NFASC: variants seen among roughly 807,000 people sequenced by gnomAD.
The protein encoded by NFASC is neurofascin.
In NFASC, 43 loss-of-function variants were observed where a neutral mutation model predicts 147.5. The observed-to-expected ratio is 0.29, with a 90% CI of 0.23 to 0.38. NFASC has a LOEUF of 0.38. Ranked by LOEUF, NFASC falls within the 10% of genes least tolerant of loss-of-function variation. The pLI, the probability that NFASC is intolerant of heterozygous loss-of-function variation, is 1.00. For missense variants in NFASC, 1,320 were observed against 1,689.0 expected (o/e 0.78, Z 3.83); for synonymous variants, 622 against 665.5 (o/e 0.93, Z 1.01).
rs2095515773 is a variant in NFASC at position 204,981,891 on chromosome 1, G to T, written c.2341G>T (p.Val781Leu). 1 of 1,608,906 alleles carries T rather than the reference G, an allele frequency of 6.2e-7. No homozygotes were observed. Among genetic ancestry groups the T allele is most frequent in the East Asian group, 2.3e-5 (1 of 44,418 alleles). The change falls in exon 21 of 30, where the codon GTG (valine) becomes TTG (leucine). Residue 781 changes from valine to leucine, a missense_variant. Val to Leu is a conservative substitution (Grantham distance 32). Coordinates refer to ENST00000339876, the MANE Select transcript of NFASC (RefSeq NM_001005388.3). ...ETREAWNNVT[V>L]WGSRYVVGQT... Reference sequence around the variant, plus strand: ...TCGAGAGGCCTGGAACAACGTCACAGTGTGGGGCTCTCGCTACGTGGTGGG... The same window carrying T: ...TCGAGAGGCCTGGAACAACGTCACATTGTGGGGCTCTCGCTACGTGGTGGG...
chr1:204,896,023 A>G (rs2083316750), intron 1 of NFASC, among the ~76,000 whole-genome samples: 1 of 152,188 alleles, frequency 6.6e-6, no homozygotes, highest in Non-Finnish European at 1.5e-5. Context: ...CCTTGAGATT[A>G]TTTTGTTTAG....
chr1:204,997,280 A>C lies in NFASC; in HGVS notation c.2893A>C (p.Thr965Pro), dbSNP rs745864052. 2 of 1,611,770 alleles carry C rather than the reference A, an allele frequency of 1.2e-6. No homozygotes were observed. Among genetic ancestry groups the C allele is most frequent in the Non-Finnish European group, 8.5e-7 (1 of 1,178,820 alleles). ...TEATTVPIIP[T>P]VAPTTIATTT... Reference sequence around the variant, plus strand: ...AGCCACAACAGTCCCCATCATCCCAACTGTCGCACCTACCACCATCGCCAC... The same window carrying C: ...AGCCACAACAGTCCCCATCATCCCACCTGTCGCACCTACCACCATCGCCAC... Residue 965 changes from threonine to proline, a missense_variant, in exon 25 of 30, where the codon ACT (threonine) becomes CCT (proline). Thr to Pro is a conservative substitution (Grantham distance 38). Around this residue, in one of 3 missense-constraint regions of NFASC, gnomAD observed 172 missense variants for 165.8 expected, o/e 1.04. Coordinates refer to ENST00000339876, the MANE Select transcript of NFASC (RefSeq NM_001005388.3).
Position 205,019,644 on chromosome 1 carries a change from T to A in NFASC, c.*3105T>A, listed in dbSNP as rs2096386747. ...ACAGTGGCCATTGAGCTGGGAGCAT[T>A]CTTCCCTCTACCGCTTAAGCCACTG... On this transcript the variant is annotated 3_prime_UTR_variant, in exon 30 of 30. Transcript: ENST00000339876. 1 of 152,206 alleles carries A rather than the reference T, an allele frequency of 6.6e-6. No homozygotes were observed. The highest frequency in any genetic ancestry group is 2.4e-5 in the African/African-American group (1 of 41,450). 9.4% of individuals were successfully genotyped at this position (152,206 alleles called of 1,614,324 possible). A position where few individuals can be genotyped will look rare whatever the true frequency, so the allele number is the denominator to read the frequency against.
At chr1:204,994,112 G>A (rs1465185541) in intron 24 of NFASC, among the ~76,000 whole-genome samples, 1 of 152,188 alleles carries the variant, frequency 6.6e-6, no homozygotes, top group Non-Finnish European at 1.5e-5. Context: ...AGCCAGCTGA[G>A]GTTGTATCCT....
At chr1:205,002,448 ACCT>A in intron 26 of NFASC, 145 bp from the exon 27 acceptor site, 2 of 512,260 alleles carry the variant, frequency 3.9e-6, no homozygotes, top group Non-Finnish European at 6.4e-6. Flanking sequence ...CTGCCTGGAA[ACCT>A]CCTGGTCTGT....
In NFASC at chr1:204,997,266, T is replaced by C. The variant is rs2095864651; in HGVS notation, c.2879T>C (p.Val960Ala). 1 of 1,612,280 alleles carries C rather than the reference T, an allele frequency of 6.2e-7. No homozygotes were observed. The highest frequency in any genetic ancestry group is 1.7e-5 in the Admixed American group (1 of 59,866). The change falls in exon 25 of 30, where the codon GTC becomes GCC. Residue 960 changes from valine to alanine, a missense_variant. By Grantham distance (64) the Val-to-Ala change is moderately conservative. Coordinates refer to ENST00000339876, the MANE Select transcript of NFASC (RefSeq NM_001005388.3). ...AIAATTEATT[V>A]PIIPTVAPTT... ...GCTGCCACCACCGAAGCCACAACAG[T>C]CCCCATCATCCCAACTGTCGCACCT...
At chr1:204,871,399 G>C (rs1233933794) in intron 1 of NFASC, among the ~76,000 whole-genome samples, 1 of 152,188 alleles carries the variant, frequency 6.6e-6, no homozygotes, top group African/African-American at 2.4e-5. Context: ...GGGCAGGGGA[G>C]CTTTGATTTG....
At chr1:204,879,902 G>A (rs1280444612) in intron 1 of NFASC, among the ~76,000 whole-genome samples, 1 of 152,228 alleles carries the variant, frequency 6.6e-6, no homozygotes. Context: ...ACCTTGCTCA[G>A]TGATCAGATG....
chr1:204,950,537 T>C lies in NFASC; in HGVS notation c.92-20T>C. ...TTCTTCTTTTCTCCCTCTCCAATGC[T>C]AACCCGTCGGAACTAACAGCAAGCA... On this transcript the variant is annotated intron_variant, in intron 3 of 29. Transcript: ENST00000339876. 1 of 1,610,932 alleles carries C rather than the reference T, an allele frequency of 6.2e-7. No individual in the cohort carries two copies. The highest frequency in any genetic ancestry group is 2.2e-5 in the East Asian group (1 of 44,838).
At chr1:204,875,728 G>T (rs570547715) in intron 1 of NFASC, among the ~76,000 whole-genome samples, 6 of 152,274 alleles carry the variant, frequency 3.9e-5, no homozygotes, top group Admixed American at 3.3e-4. Context: ...AGATGTAAGT[G>T]ACATGGTAAT....
At chr1:204,868,245 G>A (rs775236723) in intron 1 of NFASC, among the ~76,000 whole-genome samples, 9 of 152,216 alleles carry the variant, frequency 5.9e-5, no homozygotes, top group African/African-American at 7.2e-5. Context: ...AGGATCAACA[G>A]TTCCCCTAAG....
At chr1:204,973,708 G>C (rs769119560) in intron 12 of NFASC, among the ~76,000 whole-genome samples, 2 of 150,752 alleles carry the variant, frequency 1.3e-5, no homozygotes, top group Non-Finnish European at 2.9e-5. Context: ...AATTCCATCA[G>C]AGCAGTCAAT....
rs2095734024 is a variant in NFASC, at chr1:204,991,452, C to CA, written c.2782+148dup. ...TTCAGTGGTTGGGAAGCCAGACTGT[C>CA]AAGAGGGATGTGTGTGGAGGATGGG... is the stretch of plus-strand genomic sequence containing the variant. On this transcript the variant is annotated intron_variant, in intron 24 of 29. Transcript: ENST00000339876. 3.5e-6 allele frequency: 3 copies of CA among 861,494 alleles called. No individual in the cohort carries two copies. In the African/African-American group the frequency reaches 5.0e-5, roughly 14 times the overall value. 53.4% of individuals were successfully genotyped at this position (861,494 alleles called of 1,614,324 possible).
chr1:204,834,898 C>T (rs1673237204), intron 1 of NFASC, among the ~76,000 whole-genome samples: 1 of 152,128 alleles, frequency 6.6e-6, no homozygotes, highest in South Asian at 2.1e-4. Flanking sequence ...GCCTGCCCCA[C>T]CCAGCCCCTC....
At chr1:204,852,064 G>A (rs1044098968) in intron 1 of NFASC, among the ~76,000 whole-genome samples, 4 of 152,192 alleles carry the variant, frequency 2.6e-5, no homozygotes, top group African/African-American at 7.2e-5. Flanking sequence ...GTCTTTAAGA[G>A]TCTACATAGC....
chr1:205,001,989 A>C (rs1472414168), intron 26 of NFASC, among the ~76,000 whole-genome samples: 1 of 152,234 alleles, frequency 6.6e-6, no homozygotes, highest in Non-Finnish European at 1.5e-5. Flanking sequence ...AAGCTGACTT[A>C]GTTCTCTCTG....
chr1:204,839,139 T>G (rs1446841318), intron 1 of NFASC, among the ~76,000 whole-genome samples: 1 of 152,224 alleles, frequency 6.6e-6, no homozygotes, highest in Non-Finnish European at 1.5e-5. Flanking sequence ...CAATAGAATC[T>G]CAATGTGCTC....
intron 2 of NFASC, among the ~76,000 whole-genome samples, chr1:204,926,380 G>GTATATATATATATATATA (rs200933434): frequency 7.1e-4 from 34 of 47,886 alleles, no homozygotes; most frequent in African/African-American, 2.3e-3. Context: ...CTTTTTTCAT[G>GTATATATATATATATATA]TATATATATA....
At chr1:204,873,156 GGC>G (rs10563621) in intron 1 of NFASC, among the ~76,000 whole-genome samples, 59,229 of 152,110 alleles carry the variant, frequency 0.39, 18,931 homozygotes, top group African/African-American at 0.84. Flanking sequence ...CTTCCTTCCA[GGC>G]ACCTTGCATT....
Sources: allele counts gnomAD v4.1 joint callset (sites outside exome capture counted in the v4.1 genomes callset), GRCh38; gene constraint gnomAD v4.1.1; regional missense constraint gnomAD v4.1.1; transcripts MANE v1.5; gene names NCBI Gene and HGNC (gene_info 2026-07-23, HGNC 2026-07-21).